NBEA: variants seen among roughly 807,000 people sequenced by gnomAD.
NBEA encodes the protein lysosomal-trafficking regulator 2.
Under a neutral mutation model 343.4 loss-of-function variants are expected in NBEA, and 44 were observed. That is an observed-to-expected ratio of 0.13 (90% CI 0.10 to 0.16). The LOEUF (loss-of-function observed/expected upper bound fraction) is 0.16, where lower values mean the gene tolerates loss of function less well. Among genes scored for constraint, NBEA ranks in the 10% least tolerant of loss-of-function variants. NBEA has a pLI of 1.00. For synonymous variants in NBEA, 1,175 were observed against 1,238.7 expected, an observed-to-expected ratio of 0.95 and a Z score of 1.08; for missense variants, 2,555 against 3,631.3, an observed-to-expected ratio of 0.70 and a Z score of 7.62.
At chr13:35,077,220 T>C (rs2064159432) in intron 10 of NBEA, among the ~76,000 whole-genome samples, 1 of 152,128 alleles carries the variant, frequency 6.6e-6, no homozygotes, top group South Asian at 2.1e-4. Flanking sequence ...TCCACAATCT[T>C]GTTACCTAGG....
chr13:35,253,573 T>G (rs1292784734), intron 34 of NBEA, among the ~76,000 whole-genome samples: 1 of 152,228 alleles, frequency 6.6e-6, no homozygotes, highest in Non-Finnish European at 1.5e-5. Context: ...AAACTGTGTG[T>G]TGATCATCAT....
chr13:35,623,979 G>A (rs112757609), intron 48 of NBEA, among the ~76,000 whole-genome samples: 2,773 of 151,988 alleles, frequency 0.018, 92 homozygotes, highest in African/African-American at 0.062. Context: ...TTTCATGTAC[G>A]GCTATAAATA....
intron 44 of NBEA, among the ~76,000 whole-genome samples, chr13:35,562,811 GC>G (rs1478699724): frequency 6.6e-6 from 1 of 151,992 alleles, no homozygotes; most frequent in Non-Finnish European, 1.5e-5. Context: ...TCCAGATGCT[GC>G]CATCATCTAA....
intron 37 of NBEA, 119 bp from the exon 38 acceptor site, chr13:35,352,038 T>C (rs1319378179): frequency 4.1e-6 from 2 of 491,790 alleles, no homozygotes; most frequent in Non-Finnish European, 6.5e-6. Flanking sequence ...TATCAAAAGA[T>C]TACATTATTT....
At chr13:35,608,516 C>T (rs2082375318) in intron 48 of NBEA, among the ~76,000 whole-genome samples, 1 of 152,180 alleles carries the variant, frequency 6.6e-6, no homozygotes, top group African/African-American at 2.4e-5. Context: ...ATCAATATCT[C>T]TCAGTCACAT....
chr13:35,335,873 G>A (rs748102698), intron 36 of NBEA, among the ~76,000 whole-genome samples: 3 of 151,960 alleles, frequency 2.0e-5, no homozygotes, highest in Non-Finnish European at 2.9e-5. Flanking sequence ...CGCATGCCGG[G>A]GGCTACATGC....
intron 52 of NBEA, 76 bp downstream of exon 52, chr13:35,649,923 TGGGA>T (rs2084434770): frequency 5.2e-6 from 7 of 1,342,726 alleles, no homozygotes; most frequent in East Asian, 2.3e-5. Context: ...GTACTGGGAC[TGGGA>T]TTAGCTCATA....
At chr13:35,668,076 C>G (rs2085441232) in intron 57 of NBEA, among the ~76,000 whole-genome samples, 1 of 152,172 alleles carries the variant, frequency 6.6e-6, no homozygotes. Flanking sequence ...TTACTTAATG[C>G]TCAAATTCTT....
chr13:35,319,284 T>C (rs2037968662), intron 36 of NBEA, among the ~76,000 whole-genome samples: 1 of 152,204 alleles, frequency 6.6e-6, no homozygotes. Flanking sequence ...TCCCAGAGAT[T>C]CTGGTACATT....
intron 39 of NBEA, among the ~76,000 whole-genome samples, chr13:35,447,880 C>G (rs1361327147): frequency 6.6e-6 from 1 of 152,114 alleles, no homozygotes; most frequent in Non-Finnish European, 1.5e-5. Context: ...GGGTGTTAAA[C>G]CAATTCTTTC....
At chr13:35,495,171 TA>T in intron 41 of NBEA, among the ~76,000 whole-genome samples, 1 of 151,686 alleles carries the variant, frequency 6.6e-6, no homozygotes, top group South Asian at 2.1e-4. Context: ...AATAAAAAGA[TA>T]AAAAAAGATA....
chr13:35,545,403 G>A (rs550621403), intron 41 of NBEA, among the ~76,000 whole-genome samples: 1 of 152,148 alleles, frequency 6.6e-6, no homozygotes, highest in Admixed American at 6.5e-5. Flanking sequence ...TTCCTGCTAA[G>A]CTTCAGGACT....
At chr13:35,659,737 A>G (rs1393609960) in intron 55 of NBEA, among the ~76,000 whole-genome samples, 1 of 152,208 alleles carries the variant, frequency 6.6e-6, no homozygotes, top group Non-Finnish European at 1.5e-5. Context: ...TTATAATATT[A>G]TTCATTGTTA....
intron 13 of NBEA, among the ~76,000 whole-genome samples, chr13:35,114,354 A>G (rs2066391173): frequency 6.6e-6 from 1 of 152,066 alleles, no homozygotes. Flanking sequence ...TCTTGCTCCT[A>G]TTGTCTTTAA....
intron 41 of NBEA, among the ~76,000 whole-genome samples, chr13:35,501,753 C>A (rs973769757): frequency 6.6e-6 from 1 of 152,026 alleles, no homozygotes; most frequent in African/African-American, 2.4e-5. Context: ...GTCTGTAAAG[C>A]ATTTGATGAT....
At chr13:35,280,229 G>A (rs117508018) in intron 34 of NBEA, among the ~76,000 whole-genome samples, 1,851 of 151,998 alleles carry the variant, frequency 0.012, 15 homozygotes, top group Middle Eastern at 0.034. Flanking sequence ...AGATTATATA[G>A]GTAATTTCAA....
chr13:35,010,790 T>C (rs2061472543), intron 1 of NBEA, among the ~76,000 whole-genome samples: 1 of 135,286 alleles, frequency 7.4e-6, no homozygotes, highest in Non-Finnish European at 1.5e-5. Context: ...AAGCTGGGTG[T>C]GGTGGTGCAC....
chr13:35,651,778 GT>G (rs1348743963), intron 52 of NBEA, 26 bp from the exon 53 acceptor site: 6 of 1,392,956 alleles, frequency 4.3e-6, no homozygotes, highest in Non-Finnish European at 6.0e-6. Flanking sequence ...TTTTATGTTA[GT>G]TTTTCTCTCT....
intron 10 of NBEA, among the ~76,000 whole-genome samples, chr13:35,076,291 A>G (rs1049787364): frequency 6.6e-6 from 1 of 151,934 alleles, no homozygotes; most frequent in Non-Finnish European, 1.5e-5. Context: ...TGATAGACAC[A>G]AAAAAATACA....
Sources: allele counts gnomAD v4.1 joint callset (sites outside exome capture counted in the v4.1 genomes callset), GRCh38; gene constraint gnomAD v4.1.1; transcripts MANE v1.5; gene names NCBI Gene and HGNC (gene_info 2026-07-23, HGNC 2026-07-21).